The following COL17A1 variants were observed in gnomAD, a reference collection of about 807,000 sequenced individuals.
The protein encoded by COL17A1 is collagen type XVII alpha 1 chain.
A neutral mutation model predicts 218.4 loss-of-function variants in COL17A1; 181 were observed. That is an observed-to-expected ratio of 0.83 (90% CI 0.73 to 0.94). COL17A1 has a LOEUF of 0.94. COL17A1 is among the 40% of genes least tolerant of loss of function. The pLI is 0.00. For missense variants in COL17A1, 1,924 were observed against 1,945.9 expected, an observed-to-expected ratio of 0.99 and a Z score of 0.21; for synonymous variants, 721 against 731.0, an observed-to-expected ratio of 0.99 and a Z score of 0.22.
Position 104,054,995 on chromosome 10 carries a change from C to T in COL17A1, c.1730G>A (p.Ser577Asn). ...GTTATAATTACCTTTAGGGCCTGGA[C>T]TTCCCATGTCACCTGAAACCAGAAA... ...GSPGPKGDMG[S>N]PGPKGDRGFP... Residue 577 changes from serine to asparagine, a missense_variant, in exon 20 of 56, where the codon AGT (serine) becomes AAT (asparagine). By Grantham distance (46) the Ser-to-Asn change is conservative. Coordinates refer to ENST00000648076, the MANE Select transcript of COL17A1 (RefSeq NM_000494.4). 1 of 1,614,140 alleles carries T rather than the reference C, an allele frequency of 6.2e-7. No individual in the cohort carries two copies. The highest frequency in any genetic ancestry group is 8.5e-7 in the Non-Finnish European group (1 of 1,180,036).
chr10:104,036,015 T>C (rs541588628), intron 48 of COL17A1, among the ~76,000 whole-genome samples: 11 of 136,922 alleles, frequency 8.0e-5, no homozygotes, highest in African/African-American at 3.0e-4. Context: ...TGAGTGTGTA[T>C]GGGTGTGTCT....
At chr10:104,039,563 A>G (rs773027226) in intron 42 of COL17A1, 44 bp from the exon 43 acceptor site, 22 of 1,614,032 alleles carry the variant, frequency 1.4e-5, no homozygotes, top group Non-Finnish European at 1.7e-5. Flanking sequence ...CAGGGTTTGG[A>G]GAGGCTCTGG....
intron 9 of COL17A1, among the ~76,000 whole-genome samples, chr10:104,067,725 G>T (rs1378360814): frequency 6.6e-6 from 1 of 152,184 alleles, no homozygotes; most frequent in Non-Finnish European, 1.5e-5. Flanking sequence ...AAGGTGGACA[G>T]TGTGAGAGAG....
At chr10:104,084,319 T>C (rs571010413) in intron 1 of COL17A1, among the ~76,000 whole-genome samples, 1 of 152,074 alleles carries the variant, frequency 6.6e-6, no homozygotes, top group South Asian at 2.1e-4. Context: ...CCTATTTTTT[T>C]TTTTTTTTGA....
rs185204644 is a variant in COL17A1 at position 104,074,803 on chromosome 10, G to A, written c.332-572C>T. Among the ~76,000 whole-genome samples, 129 of 152,360 alleles carry A rather than the reference G, an allele frequency of 8.5e-4. 3 individuals are homozygous for A. Among genetic ancestry groups the A allele is most frequent in the Admixed American group, 8.3e-3 (127 of 15,310 alleles). ...TGTGCGTGTGGGATGCTAGCCCGCT[G>A]TGATCATTCACTAGAGTGTCTGGGC... On this transcript the variant is annotated intron_variant, in intron 5 of 55. Transcript: ENST00000648076.
chr10:104,058,172 GAC>G lies in COL17A1; in HGVS notation c.1239_1240del (p.Ser414HisfsTer87), dbSNP rs1243557809. On this transcript the variant is annotated frameshift_variant, in exon 16 of 56. Transcript: ENST00000648076. LOFTEE classifies it high-confidence loss of function. ...TGCAGTGGTGGTCTTGCCCTTTGTG[GAC>G]ACAGTCTTCAGGTCTCCTGAAAGGA... 1.2e-6 allele frequency: 2 copies of G among 1,614,094 alleles called. No homozygotes were observed. Among genetic ancestry groups the G allele is most frequent in the East Asian group, 4.5e-5 (2 of 44,894 alleles).
intron 9 of COL17A1, among the ~76,000 whole-genome samples, chr10:104,067,063 G>A (rs910597557): frequency 3.9e-5 from 6 of 152,176 alleles, no homozygotes; most frequent in African/African-American, 9.7e-5. Context: ...GAGGAAGAGA[G>A]GGGAATAATT....
chr10:104,050,245 C>T (rs1478782512), intron 27 of COL17A1, 121 bp from the exon 28 acceptor site: 20 of 1,430,238 alleles, frequency 1.4e-5, no homozygotes, highest in South Asian at 8.6e-5. Context: ...CTCCTGTCAG[C>T]GGATGTTGGT....
At chr10:104,032,514 G>A (rs948546896) in intron 55 of COL17A1, among the ~76,000 whole-genome samples, 160 bp downstream of exon 55, 1 of 152,216 alleles carries the variant, frequency 6.6e-6, no homozygotes, top group Non-Finnish European at 1.5e-5. Flanking sequence ...CTGTGAATGG[G>A]ATTGTTATGC....
In COL17A1 at chr10:104,045,678, G is replaced by A. The variant is rs805720; in HGVS notation, c.2398+80C>T. 1,178,738 of 1,182,072 alleles carry A rather than the reference G, an allele frequency of 1. 587,766 individuals are homozygous for A. The highest frequency in any genetic ancestry group is 1 in the East Asian group (42,746 of 42,746). 73.2% of individuals were successfully genotyped at this position (1,182,072 alleles called of 1,614,324 possible). On this transcript the variant is annotated intron_variant, in intron 33 of 55. Coordinates refer to ENST00000648076, the MANE Select transcript of COL17A1 (RefSeq NM_000494.4). ...TGTTGATCCAGGCTCTGGCCAGAGA[G>A]AGGCCTCCTCCTGTCCATCCCTTCC...
chr10:104,069,599 A>G (rs1266604588), intron 9 of COL17A1, among the ~76,000 whole-genome samples: 4 of 152,188 alleles, frequency 2.6e-5, no homozygotes, highest in African/African-American at 9.7e-5. Flanking sequence ...AAGTTATGAT[A>G]TGGACTCCCA....
In COL17A1 at chr10:104,053,831, G is replaced by T. The variant is rs2086493513; in HGVS notation, c.1834+89C>A. On this transcript the variant is annotated intron_variant, in intron 22 of 55. Transcript: ENST00000648076. ...GGTGTCTCTCCAGAGCCTAAAACAA[G>T]GCCTCACATACAGCAGGCACTTAAT... is the stretch of plus-strand genomic sequence containing the variant. The T allele has an allele frequency of 1.6e-5, 13 of 788,544 alleles. No individual in the cohort carries two copies. The Middle Eastern group carries it at 8.1e-4, about 49-fold the overall frequency. 48.8% of individuals were successfully genotyped at this position (788,544 alleles called of 1,614,324 possible).
chr10:104,058,858 C>T (rs1260713125), intron 15 of COL17A1, among the ~76,000 whole-genome samples: 13 of 151,436 alleles, frequency 8.6e-5, no homozygotes, highest in Admixed American at 6.6e-4. Flanking sequence ...CATTTGAACC[C>T]GGGAGGCAGA....
rs768614230 is a variant in COL17A1 at position 104,048,069 on chromosome 10, C to G, written c.2263G>C (p.Gly755Arg). Residue 755 changes from glycine (G) to arginine (R), a missense_variant and splice_region_variant, in exon 30 of 56, where the codon GGT becomes CGT. Coordinates refer to ENST00000648076, the MANE Select transcript of COL17A1 (RefSeq NM_000494.4). ...AGPDGHQGPR[G>R]EQGLTGMPGI... The stretch of plus-strand genomic sequence containing the variant: ...TGGGGGCAGCAGATGAGTGACCAAC[C>G]TCTTGGGCCTTGGTGTCCGTCTGGG... 3 of 1,614,168 alleles carry G rather than the reference C, an allele frequency of 1.9e-6. No homozygotes were observed. Among genetic ancestry groups the G allele is most frequent in the Non-Finnish European group, 2.5e-6 (3 of 1,180,022 alleles).
chr10:104,053,284 C>A (rs769060552), intron 22 of COL17A1, 149 bp from the exon 23 acceptor site: 1 of 857,316 alleles, frequency 1.2e-6, no homozygotes, highest in Non-Finnish European at 1.9e-6. Flanking sequence ...CTTGGCTCAA[C>A]CTGGAAGCCA....
chr10:104,053,248 C>T, intron 22 of COL17A1, 113 bp from the exon 23 acceptor site: 1 of 1,185,338 alleles, frequency 8.4e-7, no homozygotes, highest in African/African-American at 1.5e-5. Context: ...GGCCTCCCTG[C>T]TTGCTTCTCT....
chr10:104,049,118 C>A (rs577909407), intron 29 of COL17A1, among the ~76,000 whole-genome samples: 1 of 152,272 alleles, frequency 6.6e-6, no homozygotes, highest in South Asian at 2.1e-4. Flanking sequence ...CTCCTAAGGA[C>A]TTCAACACTG....
At position 104,035,466 on chromosome 10, in the gene COL17A1, G is replaced by A. The variant is rs1411699374; in HGVS notation, c.3508+8C>T. On this transcript the variant is annotated splice_region_variant and intron_variant, in intron 49 of 55. Coordinates refer to ENST00000648076, the MANE Select transcript of COL17A1 (RefSeq NM_000494.4). Reference sequence around the variant, plus strand: ...CCAGTTGGACAGATGTCCCCTGCTGGGCCTTACCTCGCAGCAAGGAGAGGA... The same window carrying A: ...CCAGTTGGACAGATGTCCCCTGCTGAGCCTTACCTCGCAGCAAGGAGAGGA... The A allele has an allele frequency of 4.3e-6, 7 of 1,614,048 alleles. No homozygotes were observed. The highest frequency in any genetic ancestry group is 1.7e-5 in the Admixed American group (1 of 60,010).
At chr10:104,036,164 A>G (rs1271672121) in intron 48 of COL17A1, among the ~76,000 whole-genome samples, 1 of 232 alleles carries the variant, frequency 4.3e-3, no homozygotes, top group African/African-American at 0.013. Context: ...GAGTGTGAGT[A>G]TGGGTGTGTG....
Sources: allele counts gnomAD v4.1 joint callset (sites outside exome capture counted in the v4.1 genomes callset), GRCh38; gene constraint gnomAD v4.1.1; transcripts MANE v1.5; gene names NCBI Gene and HGNC (gene_info 2026-07-23, HGNC 2026-07-21).